Variants in XPO6 observed in about 807,000 individuals in gnomAD.
XPO6 encodes exportin 6, also known as exportin-6.
XPO6 carries 3 observed loss-of-function variants against 130.0 expected under a neutral mutation model. That is an observed-to-expected ratio of 0.02 (90% CI 0.01 to 0.06). XPO6 has a LOEUF of 0.06. Ranked by LOEUF, XPO6 falls within the 10% of genes least tolerant of loss-of-function variation. XPO6 has a pLI of 1.00. For missense variants in XPO6, 970 were observed against 1,393.0 expected (o/e 0.70, Z 4.83); for synonymous variants, 524 against 548.9 (o/e 0.95, Z 0.63).
intron 15 of XPO6, among the ~76,000 whole-genome samples, chr16:28,114,472 T>C (rs989415418): frequency 1.3e-5 from 2 of 152,216 alleles, no homozygotes; most frequent in African/African-American, 4.8e-5. Flanking sequence ...CCAATGCATA[T>C]GTTTTGTTTA....
intron 1 of XPO6, among the ~76,000 whole-genome samples, chr16:28,187,668 T>G (rs2043717144): frequency 6.7e-6 from 1 of 149,318 alleles, no homozygotes; most frequent in Admixed American, 6.8e-5. Flanking sequence ...ATCAACTGTC[T>G]GGAAAGATGC....
intron 1 of XPO6, among the ~76,000 whole-genome samples, chr16:28,210,735 A>C (rs1265249165): frequency 1.3e-5 from 2 of 152,242 alleles, no homozygotes; most frequent in Non-Finnish European, 2.9e-5. Context: ...AGCATGTAGA[A>C]TAGCAGCCTC....
Position 28,121,748 on chromosome 16 carries a change from G to C in XPO6, c.1781C>G (p.Thr594Ser), listed in dbSNP as rs1201271397. The C allele has an allele frequency of 6.2e-7, 1 of 1,613,608 alleles. No individual in the cohort carries two copies. The highest frequency in any genetic ancestry group is 1.3e-5 in the African/African-American group (1 of 75,048). ...CAATTTTATCTGAGATCCGTACAGA[G>C]TGACTTTGACCAACCTGTTGGCAAA... Reference protein sequence around the residue: ...LTVVERLVKVTLYGSQIKLYN... With the variant: ...LTVVERLVKVSLYGSQIKLYN... Residue 594 changes from threonine to serine, a missense_variant, in exon 14 of 24, where the codon ACT (threonine) becomes AGT (serine). Physicochemically the swap from Thr to Ser is moderately conservative, Grantham distance 58. Around this residue, in one of 4 missense-constraint regions of XPO6, gnomAD observed 936 missense variants for 1,306.8 expected, o/e 0.72. Coordinates refer to ENST00000304658, the MANE Select transcript of XPO6 (RefSeq NM_015171.4).
intron 6 of XPO6, among the ~76,000 whole-genome samples, chr16:28,157,793 G>A (rs1290614566): frequency 6.6e-6 from 1 of 152,240 alleles, no homozygotes; most frequent in African/African-American, 2.4e-5. Context: ...AATGGATGCA[G>A]GAACCTTCAC....
chr16:28,196,703 G>A (rs972082772), intron 1 of XPO6, among the ~76,000 whole-genome samples: 2 of 152,134 alleles, frequency 1.3e-5, no homozygotes, highest in Admixed American at 1.3e-4. Flanking sequence ...TGCCCTCCCT[G>A]GCAAGGAGTT....
At chr16:28,113,149 C>A in intron 15 of XPO6, 99 bp from the exon 16 acceptor site, 1 of 1,422,430 alleles carries the variant, frequency 7.0e-7, no homozygotes. Context: ...TTCTTGGTTT[C>A]CAAATTACAC....
intron 6 of XPO6, among the ~76,000 whole-genome samples, chr16:28,161,110 G>GT (rs2043271079): frequency 6.6e-6 from 1 of 152,120 alleles, no homozygotes; most frequent in African/African-American, 2.4e-5. Context: ...TCAAATAACT[G>GT]TGTCTATTCT....
chr16:28,202,332 C>T (rs143032665), intron 1 of XPO6, among the ~76,000 whole-genome samples: 2 of 152,350 alleles, frequency 1.3e-5, no homozygotes, highest in Non-Finnish European at 2.9e-5. Flanking sequence ...GAACCCTCTG[C>T]TCTGAATGAC....
intron 1 of XPO6, among the ~76,000 whole-genome samples, chr16:28,198,437 T>C (rs1357294470): frequency 6.6e-6 from 1 of 152,144 alleles, no homozygotes; most frequent in Admixed American, 6.5e-5. Context: ...TTTGTGTTTC[T>C]ACAGTAGCAT....
intron 1 of XPO6, among the ~76,000 whole-genome samples, chr16:28,204,195 TG>T (rs1345602817): frequency 1.3e-5 from 2 of 152,142 alleles, no homozygotes; most frequent in African/African-American, 4.8e-5. Flanking sequence ...CCTAGCTTTA[TG>T]GAGCTAACAT....
At chr16:28,179,858 A>G (rs963311440) in intron 2 of XPO6, among the ~76,000 whole-genome samples, 2 of 152,200 alleles carry the variant, frequency 1.3e-5, no homozygotes, top group Non-Finnish European at 2.9e-5. Flanking sequence ...GATTCCCCTC[A>G]GCCTGCACTC....
At chr16:28,157,871 C>CAT in intron 6 of XPO6, among the ~76,000 whole-genome samples, 1 of 152,214 alleles carries the variant, frequency 6.6e-6, no homozygotes, top group Non-Finnish European at 1.5e-5. Flanking sequence ...TAAACATTCA[C>CAT]ATATCCTTTC....
intron 17 of XPO6, among the ~76,000 whole-genome samples, chr16:28,110,660 A>T (rs865813503): frequency 6.6e-6 from 1 of 152,254 alleles, no homozygotes; most frequent in Non-Finnish European, 1.5e-5. Flanking sequence ...CAACAGCTGG[A>T]TGCAAGCCCT....
chr16:28,148,878 C>T (rs2141808819), intron 8 of XPO6, among the ~76,000 whole-genome samples: 1 of 151,928 alleles, frequency 6.6e-6, no homozygotes, highest in African/African-American at 2.4e-5. Context: ...CCTATCTCTA[C>T]TAAAAATACA....
intron 7 of XPO6, 179 bp downstream of exon 7, chr16:28,155,895 T>G (rs1323668184): frequency 1.4e-6 from 2 of 1,382,306 alleles, no homozygotes; most frequent in East Asian, 5.3e-5. Flanking sequence ...TCACTTCCCT[T>G]AACCACCCAA....
At chr16:28,129,934 G>A (rs1176866098) in intron 12 of XPO6, among the ~76,000 whole-genome samples, 2 of 152,216 alleles carry the variant, frequency 1.3e-5, no homozygotes, top group Non-Finnish European at 2.9e-5. Flanking sequence ...GGATGTCAAT[G>A]CTGTGCAAGG....
chr16:28,208,880 T>A (rs2044077907), intron 1 of XPO6: 1 of 152,188 alleles, frequency 6.6e-6, no homozygotes. Flanking sequence ...TTGTAAGATT[T>A]GTACACCCAT....
At chr16:28,161,565 T>A (rs1471431614) in intron 6 of XPO6, among the ~76,000 whole-genome samples, 2 of 151,074 alleles carry the variant, frequency 1.3e-5, no homozygotes, top group African/African-American at 4.9e-5. Flanking sequence ...GAATGGATGC[T>A]AAAAGGAAAA....
intron 11 of XPO6, among the ~76,000 whole-genome samples, chr16:28,133,287 A>G (rs1201188802): frequency 6.6e-6 from 1 of 152,178 alleles, no homozygotes; most frequent in African/African-American, 2.4e-5. Context: ...CAGTGAGCCA[A>G]GATCACGCCA....
Sources: allele counts gnomAD v4.1 joint callset (sites outside exome capture counted in the v4.1 genomes callset), GRCh38; gene constraint gnomAD v4.1.1; regional missense constraint gnomAD v4.1.1; transcripts MANE v1.5; gene names NCBI Gene and HGNC (gene_info 2026-07-23, HGNC 2026-07-21).